CHN1: variants seen among roughly 807,000 people sequenced by gnomAD.
CHN1 encodes the protein N-chimaerin.
A neutral mutation model predicts 59.5 loss-of-function variants in CHN1; 37 were observed. The observed-to-expected ratio is 0.62, with a 90% confidence interval of 0.48 to 0.82. The LOEUF is 0.82. Among genes scored for constraint, CHN1 ranks in the 40% least tolerant of loss-of-function variants. The probability of loss-of-function intolerance (pLI) is 0.00; values close to 1 mark genes in which losing one functional copy is unlikely to be tolerated. For missense variants in CHN1, 469 were observed against 571.0 expected, an observed-to-expected ratio of 0.82 and a Z score of 1.82; for synonymous variants, 206 against 200.4, an observed-to-expected ratio of 1.03 and a Z score of -0.24.
intron 8 of CHN1, among the ~76,000 whole-genome samples, chr2:174,814,575 GAAC>G (rs1350693630): frequency 2.0e-5 from 3 of 152,126 alleles, no homozygotes; most frequent in African/African-American, 4.8e-5. Context: ...TGTAAAATGG[GAAC>G]AATAATAGTG....
chr2:174,949,981 G>A (rs752735856), intron 2 of CHN1, among the ~76,000 whole-genome samples: 55 of 152,160 alleles, frequency 3.6e-4, no homozygotes, highest in Non-Finnish European at 6.8e-4. Flanking sequence ...GAAAGATTCA[G>A]CTGGGCACAG....
chr2:174,899,948 T>C (rs1055907733), intron 5 of CHN1, among the ~76,000 whole-genome samples: 2 of 152,228 alleles, frequency 1.3e-5, no homozygotes, highest in Admixed American at 1.3e-4. Context: ...TCAGTTTTTA[T>C]GTGTATATGT....
At chr2:174,874,582 G>A (rs764398417) in intron 6 of CHN1, among the ~76,000 whole-genome samples, 5 of 152,054 alleles carry the variant, frequency 3.3e-5, no homozygotes, top group Non-Finnish European at 7.4e-5. Context: ...AGCCTTTCCC[G>A]AAAGCTCAGA....
intron 8 of CHN1, among the ~76,000 whole-genome samples, chr2:174,819,659 GA>G (rs1479798715): frequency 1.3e-5 from 2 of 151,576 alleles, no homozygotes; most frequent in Non-Finnish European, 2.9e-5. Flanking sequence ...CTTTGAACTT[GA>G]TTTTTTTATT....
chr2:174,850,064 T>C (rs1686678793), intron 6 of CHN1, among the ~76,000 whole-genome samples: 1 of 152,152 alleles, frequency 6.6e-6, no homozygotes, highest in Non-Finnish European at 1.5e-5. Context: ...TAGCATGTAG[T>C]AGGAAATGCA....
intron 5 of CHN1, among the ~76,000 whole-genome samples, chr2:174,909,265 C>T (rs1688623397): frequency 6.6e-6 from 1 of 152,186 alleles, no homozygotes; most frequent in Non-Finnish European, 1.5e-5. Context: ...CGTTCCCTCC[C>T]TTCCTCCAAC....
Position 174,875,189 on chromosome 2 carries a change from A to T in CHN1, c.549+2651T>A, listed in dbSNP as rs181443444. Among the ~76,000 whole-genome samples the T allele has an allele frequency of 3.7e-3, 569 of 152,164 alleles. 4 individuals carry two copies. Among genetic ancestry groups the T allele is most frequent in the African/African-American group, 0.013 (545 of 41,528 alleles). On this transcript the variant is annotated intron_variant, in intron 6 of 12. Coordinates refer to ENST00000409900, the MANE Select transcript of CHN1 (RefSeq NM_001822.7). ...CATGCCCGGCCAGGATCAAACTTTTAAAAAAACTTAAATTTTCATCAAACC... is the reference window on the plus strand; with the variant it reads ...CATGCCCGGCCAGGATCAAACTTTTTAAAAAACTTAAATTTTCATCAAACC...
chr2:174,958,166 G>C (rs1690275011), intron 1 of CHN1, among the ~76,000 whole-genome samples: 1 of 139,456 alleles, frequency 7.2e-6, no homozygotes, highest in African/African-American at 2.6e-5. Flanking sequence ...AAGGACAGGA[G>C]GAGAGAAGGA....
chr2:174,888,743 T>G (rs1248582764), intron 5 of CHN1, among the ~76,000 whole-genome samples: 1 of 152,032 alleles, frequency 6.6e-6, no homozygotes, highest in Non-Finnish European at 1.5e-5. Context: ...GGGAGAGCAG[T>G]GGGGAGAAGA....
intron 7 of CHN1, among the ~76,000 whole-genome samples, chr2:174,834,102 A>G (rs984589206): frequency 3.3e-5 from 5 of 152,154 alleles, no homozygotes; most frequent in Admixed American, 3.3e-4. Context: ...CACCATGCCC[A>G]GTCTACAATA....
chr2:174,901,902 C>T (rs4972731), intron 5 of CHN1, among the ~76,000 whole-genome samples: 71,340 of 151,838 alleles, frequency 0.47, 17,541 homozygotes, highest in African/African-American at 0.6. Flanking sequence ...CTTAACCTTA[C>T]GAAGAATTAA....
At chr2:174,863,622 A>C in intron 6 of CHN1, among the ~76,000 whole-genome samples, 1 of 152,128 alleles carries the variant, frequency 6.6e-6, no homozygotes, top group Middle Eastern at 3.2e-3. Flanking sequence ...TAACCCACAT[A>C]AACAAAAGCT....
intron 7 of CHN1, among the ~76,000 whole-genome samples, chr2:174,834,669 T>A (rs528259701): frequency 5.3e-5 from 8 of 152,072 alleles, no homozygotes; most frequent in Admixed American, 2.0e-4. Context: ...CAACTGCTTT[T>A]AAAAAAAACT....
At chr2:174,825,888 T>C (rs1019773700) in intron 7 of CHN1, among the ~76,000 whole-genome samples, 2 of 152,186 alleles carry the variant, frequency 1.3e-5, no homozygotes, top group Non-Finnish European at 2.9e-5. Context: ...GCCAATTAAA[T>C]CATGACAAGC....
At chr2:174,856,518 CA>C (rs1686904152) in intron 6 of CHN1, among the ~76,000 whole-genome samples, 2 of 151,960 alleles carry the variant, frequency 1.3e-5, no homozygotes, top group Non-Finnish European at 2.9e-5. Context: ...ACAATGCAAA[CA>C]AAAAAGGATA....
At chr2:174,816,078 ATAG>A (rs943566775) in intron 8 of CHN1, among the ~76,000 whole-genome samples, 7 of 151,976 alleles carry the variant, frequency 4.6e-5, no homozygotes, top group African/African-American at 1.7e-4. Context: ...GGGTTGGGGA[ATAG>A]TACTATTTTA....
At chr2:174,876,646 T>G (rs1190536462) in intron 6 of CHN1, among the ~76,000 whole-genome samples, 2 of 152,208 alleles carry the variant, frequency 1.3e-5, no homozygotes, top group Non-Finnish European at 2.9e-5. Flanking sequence ...AAAATGCCAA[T>G]GTAAGATCTG....
At chr2:174,921,079 C>T in intron 3 of CHN1, 1 of 384,354 alleles carries the variant, frequency 2.6e-6, no homozygotes, top group Non-Finnish European at 5.6e-6. Context: ...ATAATGTGGG[C>T]AATGGGGAGC....
intron 5 of CHN1, among the ~76,000 whole-genome samples, chr2:174,903,901 T>G (rs1202006222): frequency 6.6e-6 from 1 of 152,184 alleles, no homozygotes; most frequent in Admixed American, 6.6e-5. Context: ...CAAAGGTATA[T>G]CTGTTTATAA....
Sources: gnomAD v4.1 joint callset for allele counts (sites outside exome capture counted in the v4.1 genomes callset) on GRCh38, gnomAD v4.1.1 for gene constraint, MANE v1.5 for transcripts, NCBI Gene and HGNC (gene_info 2026-07-23, HGNC 2026-07-21) for gene names.